ZFHX3: variants seen among roughly 807,000 people sequenced by gnomAD.
ZFHX3 encodes the protein zinc finger homeobox 3.
In ZFHX3, 42 loss-of-function variants were observed where a neutral mutation model predicts 279.1. The observed-to-expected ratio is 0.15, with a 90% confidence interval of 0.12 to 0.19. The LOEUF is 0.19. Ranked by LOEUF, ZFHX3 falls within the 10% of genes least tolerant of loss-of-function variation. The probability of loss-of-function intolerance (pLI) is 1.00; values close to 1 mark genes in which losing one functional copy is unlikely to be tolerated. For synonymous variants in ZFHX3, 2,293 were observed against 1,957.8 expected (o/e 1.17, Z -4.52); for missense variants, 4,981 against 4,754.0 (o/e 1.05, Z -1.40).
chr16:73,245,202 G>A (rs1268906739), intron 5 of ZFHX3, among the ~76,000 whole-genome samples: 1 of 152,162 alleles, frequency 6.6e-6, no homozygotes, highest in Non-Finnish European at 1.5e-5. Flanking sequence ...GTCTCCTCTT[G>A]CAAGATGTAA....
At chr16:73,746,461 T>A (rs1014177846) in intron 1 of ZFHX3, among the ~76,000 whole-genome samples, 21 of 152,304 alleles carry the variant, frequency 1.4e-4, no homozygotes, top group African/African-American at 5.1e-4. Context: ...TACAGCACCT[T>A]CATAGTCTCT....
chr16:73,748,590 T>A (rs1479833701), intron 1 of ZFHX3, among the ~76,000 whole-genome samples: 1 of 152,168 alleles, frequency 6.6e-6, no homozygotes, highest in Non-Finnish European at 1.5e-5. Context: ...CTTCCCAACG[T>A]CTCTACCTAT....
At chr16:73,883,434 AAT>A (rs2030242031) in intron 1 of ZFHX3, among the ~76,000 whole-genome samples, 9 of 150,280 alleles carry the variant, frequency 6.0e-5, no homozygotes, top group Admixed American at 6.0e-4. Flanking sequence ...TGTGTATATG[AAT>A]ATGTATTTAT....
intron 4 of ZFHX3, among the ~76,000 whole-genome samples, chr16:72,871,756 T>C (rs980816852): frequency 2.6e-5 from 4 of 151,528 alleles, no homozygotes; most frequent in South Asian, 2.1e-4. Context: ...GGATTACAGG[T>C]GTGAACCACC....
intron 4 of ZFHX3, among the ~76,000 whole-genome samples, chr16:73,277,845 T>G (rs939513465): frequency 6.6e-6 from 1 of 152,106 alleles, no homozygotes; most frequent in Non-Finnish European, 1.5e-5. Flanking sequence ...TCAAGAAGCT[T>G]CCAATCATGG....
chr16:73,529,280 A>G (rs1382973578), intron 2 of ZFHX3, among the ~76,000 whole-genome samples: 1 of 152,178 alleles, frequency 6.6e-6, no homozygotes, highest in East Asian at 1.9e-4. Context: ...AGGATTTGCT[A>G]TTAATTTCAG....
In ZFHX3 at chr16:72,793,325, C is replaced by G. The variant is rs761630695; in HGVS notation, c.9357G>C (p.Gln3119His). The change falls in exon 9 of 10, where the codon CAG (glutamine) becomes CAC (histidine). Residue 3119 changes from glutamine to histidine, a missense_variant. This residue lies in a region of ZFHX3 where 1,034 missense variants were observed against 786.0 expected (regional missense o/e 1.32). Transcript: ENST00000268489. The surrounding 1 kb of genome is among the most constrained non-coding windows in gnomAD (Gnocchi z 4.3). ...LNLPTAYPAL[Q>H]GIPPVLLPGL... Reference sequence around the variant, plus strand: ...CCGGGAGCAACACAGGAGGAATGCCCTGGAGCGCTGGATATGCTGTAGGAA... The same window carrying G: ...CCGGGAGCAACACAGGAGGAATGCCGTGGAGCGCTGGATATGCTGTAGGAA... 3.1e-6 allele frequency: 5 copies of G among 1,614,026 alleles called. No individual in the cohort carries two copies. In the East Asian group the frequency reaches 8.9e-5, roughly 29 times the overall value.
chr16:73,729,631 G>A (rs1215595195), intron 1 of ZFHX3, among the ~76,000 whole-genome samples: 3 of 151,670 alleles, frequency 2.0e-5, no homozygotes, highest in African/African-American at 2.4e-5. Context: ...GTCTACTATT[G>A]GGGAAACCCA....
intron 1 of ZFHX3, among the ~76,000 whole-genome samples, chr16:73,746,691 C>T (rs771527786): frequency 6.6e-6 from 1 of 152,166 alleles, no homozygotes; most frequent in Non-Finnish European, 1.5e-5. Flanking sequence ...TCTGTTTGGG[C>T]TTCCCCAACA....
At chr16:73,487,247 C>T (rs148865258) in intron 2 of ZFHX3, among the ~76,000 whole-genome samples, 7 of 152,074 alleles carry the variant, frequency 4.6e-5, no homozygotes, top group Admixed American at 1.3e-4. Flanking sequence ...AGGTGAGAGA[C>T]GTTAATAACA....
intron 5 of ZFHX3, among the ~76,000 whole-genome samples, chr16:72,825,815 T>A (rs1223042306): frequency 6.6e-6 from 1 of 152,224 alleles, no homozygotes; most frequent in Non-Finnish European, 1.5e-5. Context: ...AAATACAATT[T>A]AAAGTTCAAT....
intron 1 of ZFHX3, among the ~76,000 whole-genome samples, chr16:73,818,110 G>A (rs574813539): frequency 3.8e-4 from 58 of 152,324 alleles, no homozygotes; most frequent in African/African-American, 1.3e-3. Context: ...GGTCAGGCTT[G>A]AAATGCTGTA....
At chr16:73,466,999 A>G (rs2018585356) in intron 2 of ZFHX3, among the ~76,000 whole-genome samples, 1 of 152,284 alleles carries the variant, frequency 6.6e-6, no homozygotes, top group African/African-American at 2.4e-5. Context: ...CAGACCTGAC[A>G]TGTCTGGCCA....
chr16:73,148,901 G>T (rs1348295740), intron 5 of ZFHX3, among the ~76,000 whole-genome samples: 1 of 151,608 alleles, frequency 6.6e-6, no homozygotes, highest in Non-Finnish European at 1.5e-5. Context: ...GAGCCTAGAT[G>T]GTACCGCTGC....
At chr16:72,886,001 A>G (rs1485625430) in intron 4 of ZFHX3, among the ~76,000 whole-genome samples, 2 of 152,212 alleles carry the variant, frequency 1.3e-5, no homozygotes, top group Non-Finnish European at 2.9e-5. Context: ...GTCGATGTTT[A>G]CAAAATTTGA....
At position 72,937,066 on chromosome 16, in the gene ZFHX3, T is replaced by C. The variant is rs144765084; in HGVS notation, c.3216+13403A>G. Among the ~76,000 whole-genome samples the C allele has an allele frequency of 5.6e-4, 85 of 151,812 alleles. 2 individuals are homozygous for C. Among genetic ancestry groups the C allele is most frequent in the African/African-American group, 2.0e-3 (81 of 41,430 alleles). ...ATGCTGGAGGTGGCCCTAACCGAGATGGGGGAGCCCATAAGCATTTGGGGG... is the reference window on the plus strand; with the variant it reads ...ATGCTGGAGGTGGCCCTAACCGAGACGGGGGAGCCCATAAGCATTTGGGGG... On this transcript the variant is annotated intron_variant, in intron 3 of 9. Transcript: ENST00000268489.
intron 3 of ZFHX3, among the ~76,000 whole-genome samples, chr16:72,935,090 G>A (rs866643299): frequency 6.6e-6 from 1 of 152,202 alleles, no homozygotes; most frequent in Non-Finnish European, 1.5e-5. Context: ...TGTATGTGCT[G>A]GGTCACTCAT....
chr16:73,755,697 C>T lies in ZFHX3; in HGVS notation c.-1607-75457G>A, dbSNP rs1263874119. Reference sequence around the variant, plus strand: ...CTGACTTCAGCCAAAGGCAAGGAATCGAACCTCCCGTGAAGAAAAGCAAGA... The same window carrying T: ...CTGACTTCAGCCAAAGGCAAGGAATTGAACCTCCCGTGAAGAAAAGCAAGA... On this transcript the variant is annotated intron_variant, in intron 1 of 17. Transcript: ENST00000641206. 2.6e-5 allele frequency among the ~76,000 whole-genome samples: 4 copies of T among 152,310 alleles called. No individual in the cohort carries two copies. In the South Asian group the frequency reaches 6.2e-4, roughly 24 times the overall value.
chr16:73,594,503 G>A (rs952798167), intron 2 of ZFHX3, among the ~76,000 whole-genome samples: 27 of 152,168 alleles, frequency 1.8e-4, no homozygotes, highest in Admixed American at 1.6e-3. Context: ...AAGACTGGGA[G>A]GTGATAAGAC....
Sources: allele counts gnomAD v4.1 joint callset (sites outside exome capture counted in the v4.1 genomes callset), GRCh38; gene constraint gnomAD v4.1.1; regional missense constraint gnomAD v4.1.1; non-coding constraint Gnocchi (gnomAD v3.1); transcripts MANE v1.5; gene names NCBI Gene and HGNC (gene_info 2026-07-23, HGNC 2026-07-21).